The following WDR17 variants were observed in gnomAD, a reference collection of about 807,000 sequenced individuals.
WDR17 encodes WD repeat domain 17, also known as WD repeat-containing protein 17.
A neutral mutation model predicts 161.7 loss-of-function variants in WDR17; 143 were observed. The observed-to-expected ratio is 0.88, with a 90% CI of 0.77 to 1.02. The LOEUF (loss-of-function observed/expected upper bound fraction) is 1.02. WDR17 is among the 50% of genes least tolerant of loss of function. The pLI, the probability that WDR17 is intolerant of heterozygous loss-of-function variation, is 0.00. For synonymous variants in WDR17, 517 were observed against 515.6 expected, an observed-to-expected ratio of 1.00 and a Z score of -0.04; for missense variants, 1,469 against 1,520.9, an observed-to-expected ratio of 0.97 and a Z score of 0.57.
intron 1 of WDR17, among the ~76,000 whole-genome samples, chr4:176,108,636 T>C (rs979045174): frequency 6.6e-6 from 1 of 151,912 alleles, no homozygotes; most frequent in Non-Finnish European, 1.5e-5. Flanking sequence ...GTGCTGAGTG[T>C]TAATAGTGGG....
At chr4:176,132,150 A>G (rs925527091) in intron 7 of WDR17, among the ~76,000 whole-genome samples, 1 of 152,000 alleles carries the variant, frequency 6.6e-6, no homozygotes, top group Non-Finnish European at 1.5e-5. Context: ...TTGAATCGCT[A>G]TGATACTTAA....
At chr4:176,106,601 A>G (rs1579063118) in intron 1 of WDR17, among the ~76,000 whole-genome samples, 1 of 152,376 alleles carries the variant, frequency 6.6e-6, no homozygotes, top group East Asian at 1.9e-4. Flanking sequence ...AGGCACAGGC[A>G]TCAAAAGCAA....
chr4:176,133,258 TA>T (rs199845273), intron 7 of WDR17, among the ~76,000 whole-genome samples: 42,622 of 96,538 alleles, frequency 0.44, 8,213 homozygotes, highest in East Asian at 0.57. Flanking sequence ...CTCCTCTCTC[TA>T]AAAAAAAAAA....
chr4:176,123,516 T>C (rs13142988), intron 4 of WDR17, among the ~76,000 whole-genome samples: 38,188 of 152,110 alleles, frequency 0.25, 4,936 homozygotes, highest in African/African-American at 0.29. Context: ...GAGGTTCCCG[T>C]GGCCCCCTCC....
At chr4:176,143,631 A>G (rs1745673378) in intron 11 of WDR17, among the ~76,000 whole-genome samples, 1 of 152,124 alleles carries the variant, frequency 6.6e-6, no homozygotes. Flanking sequence ...GTAAGCCATG[A>G]TTGTGCCACT....
chr4:176,112,067 T>C lies in WDR17; in HGVS notation c.123+364T>C, dbSNP rs143667943. On this transcript the variant is annotated intron_variant, in intron 2 of 28. Transcript: ENST00000508596. Reference sequence around the variant, plus strand: ...CCTAGCTCCATTCAGATATCCCTTATCAGTTCACAATTTATAGAGCCAAAA... The same window carrying C: ...CCTAGCTCCATTCAGATATCCCTTACCAGTTCACAATTTATAGAGCCAAAA... 3.6e-3 allele frequency among the ~76,000 whole-genome samples: 543 copies of C among 152,276 alleles called. 5 individuals carry two copies. Among genetic ancestry groups the C allele is most frequent in the African/African-American group, 0.012 (497 of 41,550 alleles).
chr4:176,108,025 C>T (rs138797584), intron 1 of WDR17, among the ~76,000 whole-genome samples: 2 of 151,174 alleles, frequency 1.3e-5, no homozygotes, highest in African/African-American at 4.9e-5. Flanking sequence ...TCCTCCTGCC[C>T]TCCCCACTTG....
chr4:176,142,129 A>T, intron 11 of WDR17, 60 bp downstream of exon 11: 1 of 1,417,350 alleles, frequency 7.1e-7, no homozygotes, highest in Non-Finnish European at 9.9e-7. Flanking sequence ...TTAAATAACC[A>T]TAAAGTTTAG....
intron 8 of WDR17, among the ~76,000 whole-genome samples, chr4:176,136,108 G>C (rs1023460006): frequency 1.3e-5 from 2 of 151,572 alleles, no homozygotes; most frequent in African/African-American, 4.8e-5. Flanking sequence ...CTGTCAAAGA[G>C]TATCTTAGTA....
In WDR17 at chr4:176,172,455, A is replaced by G; in HGVS notation, c.3183A>G (p.Lys1061=). Residue 1061 remains lysine (K), a synonymous_variant, in exon 24 of 29, where the codon AAA becomes AAG. Coordinates refer to ENST00000508596, the MANE Select transcript of WDR17 (RefSeq NM_181265.4). Reference sequence around the variant, plus strand: ...ATGACAATATATTTGAAACTGTAAAATATTACTTGTTAAGTCAAGAACCTG... The same window carrying G: ...ATGACAATATATTTGAAACTGTAAAGTATTACTTGTTAAGTCAAGAACCTG... The part of the protein sequence containing the change: ...RADDNIFETV[K]YYLLSQEPEK... The G allele has an allele frequency of 1.9e-6, 3 of 1,611,628 alleles. No homozygotes were observed. The highest frequency in any genetic ancestry group is 2.2e-5 in the East Asian group (1 of 44,806).
intron 1 of WDR17, among the ~76,000 whole-genome samples, chr4:176,091,913 C>T (rs1009726320): frequency 1.3e-5 from 2 of 152,084 alleles, no homozygotes; most frequent in Admixed American, 6.6e-5. Context: ...AAATCCAAAA[C>T]CTGAATAGAC....
At chr4:176,094,321 A>G (rs1178560211) in intron 1 of WDR17, among the ~76,000 whole-genome samples, 2 of 152,222 alleles carry the variant, frequency 1.3e-5, no homozygotes, top group Non-Finnish European at 2.9e-5. Context: ...CTTCTATACA[A>G]AGATGATTAA....
chr4:176,172,479 T>C lies in WDR17; in HGVS notation c.3207T>C (p.Pro1069=). 1 of 1,606,560 alleles carries C rather than the reference T, an allele frequency of 6.2e-7. No homozygotes were observed. Among genetic ancestry groups the C allele is most frequent in the South Asian group, 1.1e-5 (1 of 88,864 alleles). Residue 1069 remains proline (P), a synonymous_variant, in exon 24 of 29, where the codon CCT becomes CCC. Coordinates refer to ENST00000508596, the MANE Select transcript of WDR17 (RefSeq NM_181265.4). ...TVKYYLLSQE[P]EKALPIGISF... is the part of the protein sequence containing the mutation. ...AATATTACTTGTTAAGTCAAGAACCTGAAAAAGCCCTTCCTATTGGTATTA... is the reference window on the plus strand; with the variant it reads ...AATATTACTTGTTAAGTCAAGAACCCGAAAAAGCCCTTCCTATTGGTATTA...
At chr4:176,152,518 A>T (rs1347630605) in intron 17 of WDR17, among the ~76,000 whole-genome samples, 3 of 141,128 alleles carry the variant, frequency 2.1e-5, no homozygotes, top group South Asian at 4.9e-4. Context: ...AGGCAGGGGA[A>T]TTGCCTGAAC....
chr4:176,136,629 A>G (rs549038681), intron 8 of WDR17, among the ~76,000 whole-genome samples: 1 of 151,746 alleles, frequency 6.6e-6, no homozygotes, highest in Admixed American at 6.6e-5. Context: ...TATTTAAAAG[A>G]TAAATGAGGG....
chr4:176,113,472 A>G (rs2126700465), intron 2 of WDR17, among the ~76,000 whole-genome samples: 1 of 152,212 alleles, frequency 6.6e-6, no homozygotes, highest in South Asian at 2.1e-4. Flanking sequence ...GACTGAAACA[A>G]ACTAAAAATT....
chr4:176,083,789 C>T (rs963480366), intron 1 of WDR17, among the ~76,000 whole-genome samples: 1 of 152,084 alleles, frequency 6.6e-6, no homozygotes, highest in African/African-American at 2.4e-5. Flanking sequence ...AGTTTACGTT[C>T]CCCTGAGCAG....
chr4:176,141,854 CT>C (rs1223350198), intron 10 of WDR17, 128 bp from the exon 11 acceptor site: 10 of 710,160 alleles, frequency 1.4e-5, no homozygotes, highest in Non-Finnish European at 2.2e-5. Flanking sequence ...TTCAAATGTT[CT>C]TTTTGCTTTG....
chr4:176,168,146 G>T (rs1172274322), intron 22 of WDR17, among the ~76,000 whole-genome samples: 3 of 150,936 alleles, frequency 2.0e-5, no homozygotes, highest in Non-Finnish European at 4.4e-5. Flanking sequence ...ATGAGACTAT[G>T]CCTCAAAAGA....
Sources: allele counts gnomAD v4.1 joint callset (sites outside exome capture counted in the v4.1 genomes callset), GRCh38; gene constraint gnomAD v4.1.1; transcripts MANE v1.5; gene names NCBI Gene and HGNC (gene_info 2026-07-23, HGNC 2026-07-21).